Variants in MBTPS1 observed in about 807,000 individuals in gnomAD.
The protein encoded by MBTPS1 is membrane-bound transcription factor site-1 protease.
A neutral mutation model predicts 127.8 loss-of-function variants in MBTPS1; 94 were observed. That is an observed-to-expected ratio of 0.74 (90% CI 0.62 to 0.87). The LOEUF is 0.87. MBTPS1 is among the 40% of genes least tolerant of loss of function. MBTPS1 has a pLI of 0.00. For synonymous variants in MBTPS1, 632 were observed against 509.4 expected (o/e 1.24, Z -3.24); for missense variants, 1,636 against 1,353.2 (o/e 1.21, Z -3.28).
chr16:84,116,818 T>G lies in MBTPS1; in HGVS notation c.-408A>C, dbSNP rs2086489737. The G allele has an allele frequency of 6.6e-6, 1 of 152,142 alleles. No homozygotes were observed. The highest frequency in any genetic ancestry group is 1.5e-5 in the Non-Finnish European group (1 of 68,042). 9.4% of individuals were successfully genotyped at this position (152,142 alleles called of 1,614,324 possible). A position where few individuals can be genotyped will look rare whatever the true frequency, so the allele number is the denominator to read the frequency against. On this transcript the variant is annotated 5_prime_UTR_variant, in exon 1 of 23. Coordinates refer to ENST00000343411, the MANE Select transcript of MBTPS1 (RefSeq NM_003791.4). ...CACGCCTGGGCACTCCATTCGGGGC[T>G]GTTTACTCCCAACTCTCGCGAGACT... is the stretch of plus-strand genomic sequence containing the variant.
At chr16:84,076,921 A>G (rs1335417445) in intron 11 of MBTPS1, among the ~76,000 whole-genome samples, 1 of 152,250 alleles carries the variant, frequency 6.6e-6, no homozygotes. Context: ...GAAGAAAACA[A>G]ACATGCAAGA....
chr16:84,054,173 C>T lies in MBTPS1; in HGVS notation c.*276G>A. ...GTCAGAAGACCCCAGACAGCCTTTC[C>T]AGTTCTCCCGAGTCTTTGGTGCGCA... On this transcript the variant is annotated 3_prime_UTR_variant, in exon 23 of 23. Coordinates refer to ENST00000343411, the MANE Select transcript of MBTPS1 (RefSeq NM_003791.4). 1 of 297,582 alleles carries T rather than the reference C, an allele frequency of 3.4e-6. No individual in the cohort carries two copies. Among genetic ancestry groups the T allele is most frequent in the East Asian group, 5.7e-5 (1 of 17,422 alleles). The allele number at this position is 297,582 out of a possible 1,614,324, so 18.4% of individuals were successfully genotyped here.
chr16:84,063,221 G>A, intron 19 of MBTPS1, 84 bp downstream of exon 19: 1 of 1,420,046 alleles, frequency 7.0e-7, no homozygotes, highest in East Asian at 2.3e-5. Flanking sequence ...TGATCTGCCA[G>A]CATCTCACGG....
At position 84,081,707 on chromosome 16, in the gene MBTPS1, T is replaced by C. The variant is rs756010217; in HGVS notation, c.1448+40A>G. On this transcript the variant is annotated intron_variant, in intron 11 of 22. Transcript: ENST00000343411. ...GAGGGAAAATTCGCCCAGAGCCCAG[T>C]GAAGGAGAGAAAGACCCATCGGCAG... The C allele has an allele frequency of 2.9e-5, 38 of 1,317,872 alleles. No individual in the cohort carries two copies. The Middle Eastern group carries it at 2.0e-3, about 70-fold the overall frequency. 81.6% of individuals were successfully genotyped at this position (1,317,872 alleles called of 1,614,324 possible).
intron 1 of MBTPS1, among the ~76,000 whole-genome samples, chr16:84,109,303 G>A (rs760713454): frequency 3.3e-5 from 5 of 152,278 alleles, no homozygotes; most frequent in East Asian, 3.9e-4. Context: ...TGAGCATCAC[G>A]ATAAATAATA....
chr16:84,091,384 G>A (rs955247230), intron 7 of MBTPS1, among the ~76,000 whole-genome samples: 3 of 151,582 alleles, frequency 2.0e-5, no homozygotes, highest in Admixed American at 6.6e-5. Flanking sequence ...TACTTGGGAG[G>A]CTGAGGCAGG....
In MBTPS1 at chr16:84,069,965, C is replaced by A; in HGVS notation, c.1856G>T (p.Arg619Leu). 1 of 1,613,960 alleles carries A rather than the reference C, an allele frequency of 6.2e-7. No individual in the cohort carries two copies. Among genetic ancestry groups the A allele is most frequent in the Non-Finnish European group, 8.5e-7 (1 of 1,179,956 alleles). ...CTGATCCCAGAGAACTCTCTTGCTTCGCGGGGGAGTAGGAATTATCTTCAC... is the reference window on the plus strand; with the variant it reads ...CTGATCCCAGAGAACTCTCTTGCTTAGCGGGGGAGTAGGAATTATCTTCAC... The part of the protein sequence containing the change: ...IKVKIIPTPP[R>L]SKRVLWDQYH... The change falls in exon 14 of 23, where the codon CGA (arginine) becomes CTA (leucine). Residue 619 changes from arginine (R) to leucine (L), a missense_variant. Coordinates refer to ENST00000343411, the MANE Select transcript of MBTPS1 (RefSeq NM_003791.4).
intron 11 of MBTPS1, among the ~76,000 whole-genome samples, chr16:84,080,103 C>G (rs2085918024): frequency 6.6e-6 from 1 of 152,098 alleles, no homozygotes; most frequent in South Asian, 2.1e-4. Flanking sequence ...ACACATAAGC[C>G]AACTAGATGG....
chr16:84,056,196 T>A, intron 21 of MBTPS1, 61 bp from the exon 22 acceptor site: 5 of 1,397,688 alleles, frequency 3.6e-6, no homozygotes, highest in Admixed American at 1.8e-5. Flanking sequence ...TAGGTACTAG[T>A]CTAGGAAGTT....
At chr16:84,077,252 A>G (rs1390841333) in intron 11 of MBTPS1, among the ~76,000 whole-genome samples, 1 of 146,532 alleles carries the variant, frequency 6.8e-6, no homozygotes, top group African/African-American at 2.6e-5. Context: ...AAAAAAAAAG[A>G]GAGAGAGAAA....
rs181426332 is a variant in MBTPS1, at chr16:84,112,323, G to T, written c.-325+4412C>A. ...CTGCTTTAATTTATTTGTTTATAGGGAGCATATGTTACTTTTATACTTAGA... is the reference window on the plus strand; with the variant it reads ...CTGCTTTAATTTATTTGTTTATAGGTAGCATATGTTACTTTTATACTTAGA... On this transcript the variant is annotated intron_variant, in intron 1 of 22. Transcript: ENST00000343411. 6.2e-3 allele frequency among the ~76,000 whole-genome samples: 945 copies of T among 152,266 alleles called. 5 individuals carry two copies. The highest frequency in any genetic ancestry group is 0.012 in the Admixed American group (188 of 15,296).
Position 84,116,813 on chromosome 16 carries a change from G to A in MBTPS1, c.-403C>T, listed in dbSNP as rs1314921012. Reference sequence around the variant, plus strand: ...GCGAACACGCCTGGGCACTCCATTCGGGGCTGTTTACTCCCAACTCTCGCG... The same window carrying A: ...GCGAACACGCCTGGGCACTCCATTCAGGGCTGTTTACTCCCAACTCTCGCG... On this transcript the variant is annotated 5_prime_UTR_variant, in exon 1 of 23. Transcript: ENST00000343411. 1.3e-5 allele frequency: 2 copies of A among 152,184 alleles called. No individual in the cohort carries two copies. Among genetic ancestry groups the A allele is most frequent in the African/African-American group, 4.8e-5 (2 of 41,440 alleles). 9.4% of individuals were successfully genotyped at this position (152,184 alleles called of 1,614,324 possible).
chr16:84,058,218 G>A (rs12598408), intron 21 of MBTPS1, among the ~76,000 whole-genome samples: 36,240 of 152,212 alleles, frequency 0.24, 4,755 homozygotes, highest in East Asian at 0.35. Flanking sequence ...GAAGACATAC[G>A]GTCAGTGCGT....
chr16:84,116,764 G>C lies in MBTPS1; in HGVS notation c.-354C>G, dbSNP rs550521984. ...GCCGCCGGGAGCTCAGGGCCGGCGGGCCCGGGATAACGGCGCCTCCGCGGC... is the reference window on the plus strand; with the variant it reads ...GCCGCCGGGAGCTCAGGGCCGGCGGCCCCGGGATAACGGCGCCTCCGCGGC... On this transcript the variant is annotated 5_prime_UTR_variant, in exon 1 of 23. Coordinates refer to ENST00000343411, the MANE Select transcript of MBTPS1 (RefSeq NM_003791.4). 1 of 152,224 alleles carries C rather than the reference G, an allele frequency of 6.6e-6. No individual in the cohort carries two copies. Among genetic ancestry groups the C allele is most frequent in the South Asian group, 2.1e-4 (1 of 4,834 alleles). 9.4% of individuals were successfully genotyped at this position (152,224 alleles called of 1,614,324 possible). A position where few individuals can be genotyped will look rare whatever the true frequency, so the allele number is the denominator to read the frequency against.
chr16:84,116,495 A>C (rs2086481073), intron 1 of MBTPS1, among the ~76,000 whole-genome samples: 1 of 152,200 alleles, frequency 6.6e-6, no homozygotes, highest in Admixed American at 6.5e-5. Flanking sequence ...TGCTCATTTC[A>C]CGTAAAGAAA....
At chr16:84,073,645 TTAAGA>T (rs1254098367) in intron 12 of MBTPS1, among the ~76,000 whole-genome samples, 1 of 151,798 alleles carries the variant, frequency 6.6e-6, no homozygotes, top group Non-Finnish European at 1.5e-5. Context: ...GTCTACATAG[TTAAGA>T]TTTTTAAAAA....
Position 84,095,681 on chromosome 16 carries a change from G to T in MBTPS1, c.546C>A (p.Ser182Arg), listed in dbSNP as rs777387032. 2 of 1,614,234 alleles carry T rather than the reference G, an allele frequency of 1.2e-6. No individual in the cohort carries two copies. Among genetic ancestry groups the T allele is most frequent in the Non-Finnish European group, 1.7e-6 (2 of 1,180,040 alleles). The change falls in exon 4 of 23, where the codon AGC (serine) becomes AGA (arginine). Residue 182 changes from serine to arginine, a missense_variant. Physicochemically the swap from Ser to Arg is moderately radical, Grantham distance 110. Transcript: ENST00000343411. ...GFWHATGRHS[S>R]RRLLRAIPRQ... The stretch of plus-strand genomic sequence containing the variant: ...GCGGGATGGCTCTCAGCAGCCGTCT[G>T]CTCGAATGCCTTCCCGTAGCATGCC...
At chr16:84,105,305 C>A (rs1158333713) in intron 1 of MBTPS1, among the ~76,000 whole-genome samples, 4 of 152,150 alleles carry the variant, frequency 2.6e-5, no homozygotes, top group Non-Finnish European at 5.9e-5. Flanking sequence ...ACAGAACAAA[C>A]ACGGACTATT....
chr16:84,108,847 C>A (rs1018709961), intron 1 of MBTPS1, among the ~76,000 whole-genome samples: 2 of 152,042 alleles, frequency 1.3e-5, no homozygotes, highest in Non-Finnish European at 2.9e-5. Flanking sequence ...TAATGGGATG[C>A]GGCTTTCTTA....
Sources: allele counts gnomAD v4.1 joint callset (sites outside exome capture counted in the v4.1 genomes callset), GRCh38; gene constraint gnomAD v4.1.1; transcripts MANE v1.5; gene names NCBI Gene and HGNC (gene_info 2026-07-23, HGNC 2026-07-21).